MYL6: variants seen among roughly 807,000 people sequenced by gnomAD.
MYL6 encodes myosin light chain 6.
A neutral mutation model predicts 20.3 loss-of-function variants in MYL6; 20 were observed. The observed-to-expected ratio is 0.98, with a 90% CI of 0.69 to 1.43. The LOEUF (loss-of-function observed/expected upper bound fraction) is 1.43. Among genes scored for constraint, MYL6 ranks in the 40% most tolerant of loss-of-function variants. The pLI is 0.00. For missense variants in MYL6, 164 were observed against 191.0 expected, an observed-to-expected ratio of 0.86 and a Z score of 0.83; for synonymous variants, 77 against 72.4, an observed-to-expected ratio of 1.06 and a Z score of -0.32.
rs1871870675 is a variant in MYL6 at position 56,161,529 on chromosome 12, G to A, written c.*159G>A. The A allele has an allele frequency of 7.6e-7, 1 of 1,312,806 alleles. No homozygotes were observed. Among genetic ancestry groups the A allele is most frequent in the South Asian group, 1.2e-5 (1 of 85,082 alleles). The allele number at this position is 1,312,806 out of a possible 1,614,324, so 81.3% of individuals were successfully genotyped here. A position where few individuals can be genotyped will look rare whatever the true frequency, so the allele number is the denominator to read the frequency against. The stretch of plus-strand genomic sequence containing the variant: ...CAACTTTCCCATCTTGTCTCTCTTG[G>A]ATGATGTTTGCCGTCAGCATTCACC... On this transcript the variant is annotated 3_prime_UTR_variant, in exon 7 of 7. Coordinates refer to ENST00000550697, the MANE Select transcript of MYL6 (RefSeq NM_021019.5).
rs1592263494 is a variant in MYL6, at chr12:56,161,215, G to A, written c.*17-172G>A. 5 of 713,472 alleles carry A rather than the reference G, an allele frequency of 7.0e-6. No homozygotes were observed. In the East Asian group the frequency reaches 1.3e-4, roughly 18 times the overall value. 44.2% of individuals were successfully genotyped at this position (713,472 alleles called of 1,614,324 possible). On this transcript the variant is annotated intron_variant, in intron 6 of 6. Coordinates refer to ENST00000550697, the MANE Select transcript of MYL6 (RefSeq NM_021019.5). ...AACAGCTGCTGGGAGGGGAGCTAGG[G>A]GCATGGAGAACTGGTCAGACTCAAG...
intron 5 of MYL6, 124 bp downstream of exon 5, chr12:56,160,444 C>A: frequency 1.4e-6 from 2 of 1,465,500 alleles, no homozygotes; most frequent in Non-Finnish European, 1.9e-6. Flanking sequence ...AGGTGCAGGG[C>A]CCTGCCCAGC....
Position 56,160,611 on chromosome 12 carries a change from TCTTC to T in MYL6, c.428-8_428-5del, listed in dbSNP as rs1292126026. ...TTGTCTTGTCTTCACCATGAATGTC[TCTTC>T]CTTCCTGCAGCGTTTGTGAGGCATA... On this transcript the variant is annotated splice_polypyrimidine_tract_variant and intron_variant, in intron 5 of 6. Transcript: ENST00000550697. The T allele has an allele frequency of 2.5e-6, 4 of 1,614,094 alleles. No individual in the cohort carries two copies. The highest frequency in any genetic ancestry group is 1.3e-5 in the African/African-American group (1 of 74,948).
intron 5 of MYL6, 136 bp downstream of exon 5, chr12:56,160,456 C>G (rs988626532): frequency 6.9e-7 from 1 of 1,454,368 alleles, no homozygotes. Flanking sequence ...CTGCCCAGCC[C>G]AGCCCAGGAG....
chr12:56,160,852 G>GTA, intron 6 of MYL6, 182 bp downstream of exon 6: 1 of 661,982 alleles, frequency 1.5e-6, no homozygotes, highest in East Asian at 2.7e-5. Flanking sequence ...TGGGGGTACA[G>GTA]TACCTCCTTA....
Sources: gnomAD v4.1 joint callset for allele counts on GRCh38, gnomAD v4.1.1 for gene constraint, MANE v1.5 for transcripts, NCBI Gene and HGNC (gene_info 2026-07-23, HGNC 2026-07-21) for gene names.